LRRC4C: variants seen among roughly 807,000 people sequenced by gnomAD.
LRRC4C encodes leucine rich repeat containing 4C.
A neutral mutation model predicts 33.6 loss-of-function variants in LRRC4C; 5 were observed. The observed-to-expected ratio is 0.15, with a 90% CI of 0.08 to 0.31. LRRC4C has a LOEUF of 0.31. Ranked by LOEUF, LRRC4C falls within the 10% of genes least tolerant of loss-of-function variation. The pLI is 1.00. For missense variants in LRRC4C, 560 were observed against 796.7 expected, an observed-to-expected ratio of 0.70 and a Z score of 3.58; for synonymous variants, 329 against 302.0, an observed-to-expected ratio of 1.09 and a Z score of -0.93.
At chr11:40,375,163 G>T (rs1451045060) in intron 3 of LRRC4C, among the ~76,000 whole-genome samples, 1 of 152,248 alleles carries the variant, frequency 6.6e-6, no homozygotes, top group East Asian at 1.9e-4. Context: ...GTCAGCCACT[G>T]TAACACACTT....
chr11:41,130,795 ATG>A (rs1942975712), intron 1 of LRRC4C, among the ~76,000 whole-genome samples: 1 of 151,978 alleles, frequency 6.6e-6, no homozygotes, highest in African/African-American at 2.4e-5. Context: ...GAAGCAATTT[ATG>A]TGTATAATAC....
intron 3 of LRRC4C, among the ~76,000 whole-genome samples, chr11:40,495,813 G>GTTTTTTTTTTTTTTTTTTTTTTTTTT (rs77683172): frequency 4.5e-5 from 3 of 67,014 alleles, no homozygotes; most frequent in Non-Finnish European, 5.5e-5. Flanking sequence ...CAATAAACAT[G>GTTTTTTTTTTTTTTTTTTTTTTTTTT]TTTTTTTTTT....
chr11:40,857,500 T>C lies in LRRC4C; in HGVS notation c.-407+76135A>G, dbSNP rs924112405. 2.0e-5 allele frequency among the ~76,000 whole-genome samples: 3 copies of C among 152,210 alleles called. No homozygotes were observed. In the East Asian group the frequency reaches 5.8e-4, roughly 29 times the overall value. On this transcript the variant is annotated intron_variant, in intron 2 of 6. Coordinates refer to ENST00000528697, the MANE Select transcript of LRRC4C (RefSeq NM_001258419.2). ...CACATTTTTATCTGAATGAAAGTTA[T>C]AGTCACACACTGAGGGAAAGATGAC...
chr11:40,474,276 C>T (rs1344215077), intron 3 of LRRC4C, among the ~76,000 whole-genome samples: 2 of 152,082 alleles, frequency 1.3e-5, no homozygotes, highest in African/African-American at 2.4e-5. Context: ...GAAATAATGC[C>T]ACACATCTAC....
In LRRC4C at chr11:40,633,826, C is replaced by A. The variant is rs185524098; in HGVS notation, c.-270+14316G>T. 1.5e-3 allele frequency among the ~76,000 whole-genome samples: 234 copies of A among 152,170 alleles called. 1 individual carries two copies. Among genetic ancestry groups the A allele is most frequent in the African/African-American group, 5.5e-3 (227 of 41,514 alleles). ...AATTTTATTTTTTATATTTATACTT[C>A]TACAGTGTTTGATTTGTATTTTATG... On this transcript the variant is annotated intron_variant, in intron 3 of 6. Coordinates refer to ENST00000528697, the MANE Select transcript of LRRC4C (RefSeq NM_001258419.2).
chr11:40,845,209 G>T (rs1479793016), intron 2 of LRRC4C, among the ~76,000 whole-genome samples: 1 of 151,670 alleles, frequency 6.6e-6, no homozygotes, highest in African/African-American at 2.4e-5. Flanking sequence ...AGAATGTGCA[G>T]GTTTGTTACA....
At chr11:41,317,044 T>C (rs577256421) in intron 1 of LRRC4C, among the ~76,000 whole-genome samples, 2 of 152,338 alleles carry the variant, frequency 1.3e-5, no homozygotes, top group African/African-American at 4.8e-5. Context: ...CCCTTTTCTC[T>C]ACACAGTCAT....
intron 3 of LRRC4C, 80 bp downstream of exon 3, chr11:40,648,062 G>A (rs1942572767): frequency 1.3e-5 from 2 of 152,158 alleles, no homozygotes; most frequent in Admixed American, 6.5e-5. Context: ...GAATTATAAT[G>A]ATCTGAAATG....
intron 1 of LRRC4C, among the ~76,000 whole-genome samples, chr11:41,297,515 G>A (rs1368953939): frequency 6.6e-6 from 1 of 152,134 alleles, no homozygotes; most frequent in Non-Finnish European, 1.5e-5. Flanking sequence ...GGAACAAGTA[G>A]AAGTCACCTT....
At chr11:40,664,730 A>G (rs1279082144) in intron 2 of LRRC4C, among the ~76,000 whole-genome samples, 1 of 152,080 alleles carries the variant, frequency 6.6e-6, no homozygotes, top group Non-Finnish European at 1.5e-5. Context: ...AATAATCCCA[A>G]AGAATAGGTC....
chr11:40,588,753 G>A (rs948470189), intron 3 of LRRC4C, among the ~76,000 whole-genome samples: 17 of 152,176 alleles, frequency 1.1e-4, no homozygotes, highest in Non-Finnish European at 2.1e-4. Context: ...TCGTTCAGGA[G>A]CAGGTTGTTC....
chr11:40,504,693 A>T (rs1954945417), intron 3 of LRRC4C, among the ~76,000 whole-genome samples: 1 of 152,194 alleles, frequency 6.6e-6, no homozygotes, highest in African/African-American at 2.4e-5. Flanking sequence ...ATCAATATTA[A>T]ATTATAATTT....
At chr11:41,178,565 C>T (rs1945307581) in intron 1 of LRRC4C, among the ~76,000 whole-genome samples, 1 of 152,064 alleles carries the variant, frequency 6.6e-6, no homozygotes, top group South Asian at 2.1e-4. Context: ...CCATGTTGAC[C>T]AGGCCAGTCT....
At chr11:40,818,053 A>G (rs760367299) in intron 2 of LRRC4C, among the ~76,000 whole-genome samples, 1 of 152,110 alleles carries the variant, frequency 6.6e-6, no homozygotes, top group Non-Finnish European at 1.5e-5. Context: ...TTGTTTAAAC[A>G]AGATTTCTTA....
intron 2 of LRRC4C, among the ~76,000 whole-genome samples, chr11:40,672,887 C>A (rs376199746): frequency 2.6e-5 from 4 of 152,094 alleles, no homozygotes; most frequent in Non-Finnish European, 4.4e-5. Flanking sequence ...TTCACCTTCA[C>A]GTTGTTTGAT....
intron 3 of LRRC4C, among the ~76,000 whole-genome samples, chr11:40,587,347 G>A (rs1958804753): frequency 7.0e-6 from 1 of 143,410 alleles, no homozygotes; most frequent in Admixed American, 7.1e-5. Flanking sequence ...CTTTGCTGAA[G>A]TTGCTTATCA....
At chr11:40,587,870 C>T (rs919337795) in intron 3 of LRRC4C, among the ~76,000 whole-genome samples, 2 of 152,110 alleles carry the variant, frequency 1.3e-5, no homozygotes, top group African/African-American at 2.4e-5. Context: ...CTGCTGGATT[C>T]GTTTTGCCAC....
chr11:40,655,426 A>C (rs150245382), intron 2 of LRRC4C, among the ~76,000 whole-genome samples: 1 of 152,366 alleles, frequency 6.6e-6, no homozygotes, highest in African/African-American at 2.4e-5. Context: ...CTGGTTAATA[A>C]ATAAAAATAT....
chr11:40,411,348 A>C (rs1950149208), intron 3 of LRRC4C, among the ~76,000 whole-genome samples: 1 of 152,048 alleles, frequency 6.6e-6, no homozygotes, highest in Non-Finnish European at 1.5e-5. Flanking sequence ...GTAATGTTTC[A>C]ATGTAGTAAA....
Sources: gnomAD v4.1 joint callset for allele counts (sites outside exome capture counted in the v4.1 genomes callset) on GRCh38, gnomAD v4.1.1 for gene constraint, MANE v1.5 for transcripts, NCBI Gene and HGNC (gene_info 2026-07-23, HGNC 2026-07-21) for gene names.